OTP: variants seen among roughly 807,000 people sequenced by gnomAD.
OTP encodes homeobox protein orthopedia.
In OTP, 5 loss-of-function variants were observed where a neutral mutation model predicts 22.3. That is an observed-to-expected ratio of 0.22 (90% CI 0.12 to 0.47). The LOEUF is 0.47. OTP is among the 20% of genes least tolerant of loss of function. OTP has a pLI of 0.99. For missense variants in OTP, 428 were observed against 456.2 expected (o/e 0.94, Z 0.56); for synonymous variants, 229 against 210.6 (o/e 1.09, Z -0.76).
At chr5:77,637,730 C>A (rs1029488859) in intron 1 of OTP, among the ~76,000 whole-genome samples, 1 of 152,172 alleles carries the variant, frequency 6.6e-6, no homozygotes, top group Non-Finnish European at 1.5e-5. Flanking sequence ...CTTTCACCCC[C>A]CGAAATCAAC....
rs553012107 is a variant in OTP at position 77,637,145 on chromosome 5, A to G, written c.123T>C (p.His41=). 1 of 1,597,754 alleles carries G rather than the reference A, an allele frequency of 6.3e-7. No individual in the cohort carries two copies. The highest frequency in any genetic ancestry group is 1.8e-5 in the Admixed American group (1 of 56,920). ...CAGAGTTGGGCGCCAGGTCCCCCGGATGGCCCCCGGGGTCGGAGCCCCCCA... is the reference window on the plus strand; with the variant it reads ...CAGAGTTGGGCGCCAGGTCCCCCGGGTGGCCCCCGGGGTCGGAGCCCCCCA... The part of the protein sequence containing the change: ...LGVGGSDPGG[H]PGDLAPNSDP... Residue 41 remains histidine (H), a synonymous_variant, in exon 2 of 3, where the codon CAT becomes CAC. Transcript: ENST00000306422.
Position 77,630,024 on chromosome 5 carries a change from A to C in OTP, c.*240T>G. 1.8e-4 allele frequency: 41 copies of C among 227,454 alleles called. No homozygotes were observed. The highest frequency in any genetic ancestry group is 3.6e-4 in the South Asian group (2 of 5,546). The allele number at this position is 227,454 out of a possible 1,614,324, so 14.1% of individuals were successfully genotyped here. Reference sequence around the variant, plus strand: ...GAGGGCGCAGCTGGGTGGGAAGGGAAGAGGGGCGGCCGGGAGACGGGGGAC... The same window carrying C: ...GAGGGCGCAGCTGGGTGGGAAGGGACGAGGGGCGGCCGGGAGACGGGGGAC... On this transcript the variant is annotated 3_prime_UTR_variant, in exon 3 of 3. Coordinates refer to ENST00000306422, the MANE Select transcript of OTP (RefSeq NM_032109.3).
chr5:77,630,143 A>C lies in OTP; in HGVS notation c.*121T>G. ...GGAGGAGAGAGGCGAGGACGAAACG[A>C]GACGGGGCGAAGGCCGGGGCGGGAC... On this transcript the variant is annotated 3_prime_UTR_variant, in exon 3 of 3. Transcript: ENST00000306422. 2.0e-6 allele frequency: 1 copy of C among 490,606 alleles called. No individual in the cohort carries two copies. Among genetic ancestry groups the C allele is most frequent in the Non-Finnish European group, 3.0e-6 (1 of 334,306 alleles). 30.4% of individuals were successfully genotyped at this position (490,606 alleles called of 1,614,324 possible). A position where few individuals can be genotyped will look rare whatever the true frequency, so the allele number is the denominator to read the frequency against.
chr5:77,634,400 T>C (rs1744977017), intron 2 of OTP, among the ~76,000 whole-genome samples: 1 of 152,204 alleles, frequency 6.6e-6, no homozygotes, highest in Non-Finnish European at 1.5e-5. Context: ...AGAGATGCTT[T>C]AATAAATACT....
chr5:77,632,222 T>C (rs1400263367), intron 2 of OTP, among the ~76,000 whole-genome samples: 1 of 152,136 alleles, frequency 6.6e-6, no homozygotes, highest in Non-Finnish European at 1.5e-5. Context: ...TCACATAAGC[T>C]GCCAATCCAA....
Position 77,638,533 on chromosome 5 carries a change from T to G in OTP, c.17A>C (p.Asp6Ala). 6.3e-7 allele frequency: 1 copy of G among 1,581,316 alleles called. No homozygotes were observed. MLSHA[D>A]LLDARLGMKD... The stretch of plus-strand genomic sequence containing the variant: ...CTCACCTAGCCTGGCGTCCAGGAGG[T>G]CGGCATGAGACAGCATCGCGCACCG... The change falls in exon 1 of 3, where the codon GAC (aspartate) becomes GCC (alanine). Residue 6 changes from aspartate (D) to alanine (A), a missense_variant. By Grantham distance (126) the Asp-to-Ala change is moderately radical. Around this residue, in one of 3 missense-constraint regions of OTP, gnomAD observed 176 missense variants for 162.9 expected, o/e 1.08. Transcript: ENST00000306422.
intron 2 of OTP, among the ~76,000 whole-genome samples, chr5:77,635,773 C>T (rs1032871741): frequency 6.6e-6 from 1 of 152,080 alleles, no homozygotes; most frequent in Non-Finnish European, 1.5e-5. Flanking sequence ...ACAGAAAATA[C>T]CACCGTCCAA....
chr5:77,629,944 A>C lies in OTP; in HGVS notation c.*320T>G, dbSNP rs112520881. On this transcript the variant is annotated 3_prime_UTR_variant, in exon 3 of 3. Transcript: ENST00000306422. ...AGGAGGGCGCGAGCACGGCCAGCGC[A>C]AGCAGGGAGGCCAGGGTGGCGGGAA... 5,803 of 180,424 alleles carry C rather than the reference A, an allele frequency of 0.032. 104 individuals are homozygous for C. The highest frequency in any genetic ancestry group is 0.061 in the South Asian group (311 of 5,088). 11.2% of individuals were successfully genotyped at this position (180,424 alleles called of 1,614,324 possible). A position where few individuals can be genotyped will look rare whatever the true frequency, so the allele number is the denominator to read the frequency against.
intron 2 of OTP, 126 bp downstream of exon 2, chr5:77,636,695 C>G (rs1359515773): frequency 1.1e-6 from 1 of 912,548 alleles, no homozygotes; most frequent in Non-Finnish European, 1.7e-6. Context: ...TAACTCGATA[C>G]AGGAACGCAC....
rs1435482532 is a variant in OTP, at chr5:77,638,499, A to G, written c.37+14T>C. 1 of 1,571,500 alleles carries G rather than the reference A, an allele frequency of 6.4e-7. No individual in the cohort carries two copies. The highest frequency in any genetic ancestry group is 1.8e-5 in the Admixed American group (1 of 55,126). On this transcript the variant is annotated intron_variant, in intron 1 of 2. Transcript: ENST00000306422. ...GGCTTCTCCTGGCTGCCCGGGCGAG[A>G]GGCGCGCACTCACCTAGCCTGGCGT... is the stretch of plus-strand genomic sequence containing the variant.
intron 2 of OTP, among the ~76,000 whole-genome samples, chr5:77,635,247 T>A (rs1744989148): frequency 6.6e-6 from 1 of 152,220 alleles, no homozygotes; most frequent in Non-Finnish European, 1.5e-5. Flanking sequence ...AAATTGAACC[T>A]ACAAGCAAGC....
rs1745027037 is a variant in OTP at position 77,637,376 on chromosome 5, GGGTTCCCC to G, written c.38-154_38-147del. On this transcript the variant is annotated intron_variant, in intron 1 of 2. Transcript: ENST00000306422. Reference sequence around the variant, plus strand: ...GAAGAAACTCCCAGGGTATTCAGCTGGGTTCCCCAGAATTTGGACAGCCGGGTTGGAAT... The same window carrying G: ...GAAGAAACTCCCAGGGTATTCAGCTGAGAATTTGGACAGCCGGGTTGGAAT... 3 of 999,410 alleles carry G rather than the reference GGGTTCCCC, an allele frequency of 3.0e-6. No homozygotes were observed. In the South Asian group the frequency reaches 5.4e-5, roughly 18 times the overall value. The allele number at this position is 999,410 out of a possible 1,614,324, so 61.9% of individuals were successfully genotyped here.
chr5:77,630,155 G>T lies in OTP; in HGVS notation c.*109C>A. On this transcript the variant is annotated 3_prime_UTR_variant, in exon 3 of 3. Coordinates refer to ENST00000306422, the MANE Select transcript of OTP (RefSeq NM_032109.3). ...CGAGGACGAAACGAGACGGGGCGAA[G>T]GCCGGGGCGGGACGGGGCAGGGCGC... The T allele has an allele frequency of 1.7e-6, 1 of 580,084 alleles. No homozygotes were observed. Among genetic ancestry groups the T allele is most frequent in the Non-Finnish European group, 2.4e-6 (1 of 408,536 alleles). The allele number at this position is 580,084 out of a possible 1,614,324, so 35.9% of individuals were successfully genotyped here. A position where few individuals can be genotyped will look rare whatever the true frequency, so the allele number is the denominator to read the frequency against.
rs530025977 is a variant in OTP, at chr5:77,632,334, A to AT, written c.448-1541dup. 4.3e-3 allele frequency among the ~76,000 whole-genome samples: 657 copies of AT among 152,362 alleles called. 2 individuals are homozygous for AT. The highest frequency in any genetic ancestry group is 7.0e-3 in the Non-Finnish European group (475 of 68,032). The stretch of plus-strand genomic sequence containing the variant: ...CTGCCTGGAAGACTTGCAGTTTAAA[A>AT]TCTGGTCATCTGGCGTTTACTGTGC... On this transcript the variant is annotated intron_variant, in intron 2 of 2. Transcript: ENST00000306422.
intron 2 of OTP, among the ~76,000 whole-genome samples, chr5:77,633,733 G>A (rs2112369637): frequency 6.6e-6 from 1 of 152,274 alleles, no homozygotes; most frequent in East Asian, 1.9e-4. Context: ...AGCTATAAAT[G>A]ACTGAGAAAT....
At chr5:77,635,920 A>AC (rs1491407304) in intron 2 of OTP, 3 of 151,406 alleles carry the variant, frequency 2.0e-5, no homozygotes, top group African/African-American at 7.3e-5. Context: ...AAAAAAAAAA[A>AC]CAAACAAAAA....
At chr5:77,635,212 A>C (rs1210464602) in intron 2 of OTP, among the ~76,000 whole-genome samples, 2 of 152,240 alleles carry the variant, frequency 1.3e-5, no homozygotes, top group Non-Finnish European at 2.9e-5. Flanking sequence ...ACAAAACCCC[A>C]AAATTTATGA....
chr5:77,634,423 A>G (rs931852296), intron 2 of OTP, among the ~76,000 whole-genome samples: 22 of 152,272 alleles, frequency 1.4e-4, no homozygotes, highest in South Asian at 6.2e-4. Context: ...AAAGTGTGAT[A>G]TATACCAAAT....
At position 77,638,631 on chromosome 5, in the gene OTP, C is replaced by T; in HGVS notation, c.-82G>A. ...ATTTAAAATAGATATAAGCTATAAG[C>T]TATACGATATAGATATATATAGATC... On this transcript the variant is annotated 5_prime_UTR_variant, in exon 1 of 3. Coordinates refer to ENST00000306422, the MANE Select transcript of OTP (RefSeq NM_032109.3). The T allele has an allele frequency of 7.5e-7, 1 of 1,327,526 alleles. No individual in the cohort carries two copies. The highest frequency in any genetic ancestry group is 1.0e-6 in the Non-Finnish European group (1 of 982,950). 82.2% of individuals were successfully genotyped at this position (1,327,526 alleles called of 1,614,324 possible).
Sources: gnomAD v4.1 joint callset for allele counts (sites outside exome capture counted in the v4.1 genomes callset) on GRCh38, gnomAD v4.1.1 for gene constraint, gnomAD v4.1.1 regional missense constraint, MANE v1.5 for transcripts, NCBI Gene and HGNC (gene_info 2026-07-23, HGNC 2026-07-21) for gene names.